GABRG2: variants seen among roughly 807,000 people sequenced by gnomAD.
GABRG2 encodes gamma-aminobutyric acid receptor subunit gamma-2.
In GABRG2, 16 loss-of-function variants were observed where a neutral mutation model predicts 56.4. The observed-to-expected ratio is 0.28, with a 90% CI of 0.19 to 0.43. The LOEUF is 0.43. GABRG2 is among the 20% of genes least tolerant of loss of function. The pLI is 1.00. For missense variants in GABRG2, 327 were observed against 582.7 expected, an observed-to-expected ratio of 0.56 and a Z score of 4.52; for synonymous variants, 208 against 205.5, an observed-to-expected ratio of 1.01 and a Z score of -0.10.
At chr5:162,070,645 AAAAT>A (rs1389962016) in intron 1 of GABRG2, among the ~76,000 whole-genome samples, 2 of 152,084 alleles carry the variant, frequency 1.3e-5, no homozygotes, top group Non-Finnish European at 2.9e-5. Flanking sequence ...AACAAAGAGA[AAAAT>A]AAAGCATCGT....
chr5:162,109,684 A>C (rs1762122101), intron 6 of GABRG2, among the ~76,000 whole-genome samples: 1 of 152,040 alleles, frequency 6.6e-6, no homozygotes, highest in South Asian at 2.1e-4. Flanking sequence ...CATCAATGAA[A>C]TACATAATGT....
chr5:162,097,603 G>C, intron 3 of GABRG2, 35 bp from the exon 4 acceptor site: 2 of 1,431,254 alleles, frequency 1.4e-6, no homozygotes, highest in African/African-American at 1.4e-5. Context: ...ATCTTACTGT[G>C]TACAAATTTT....
At chr5:162,126,674 T>A (rs1362341440) in intron 6 of GABRG2, among the ~76,000 whole-genome samples, 9 of 151,978 alleles carry the variant, frequency 5.9e-5, no homozygotes. Flanking sequence ...ACCTTCCCCT[T>A]CACCTAATTC....
At chr5:162,101,483 G>C in intron 5 of GABRG2, 166 bp downstream of exon 5, 1 of 660,406 alleles carries the variant, frequency 1.5e-6, no homozygotes. Context: ...AGCTTGCTCC[G>C]ATTAGGGTGA....
intron 6 of GABRG2, among the ~76,000 whole-genome samples, chr5:162,119,522 T>C (rs1303486858): frequency 1.3e-5 from 2 of 152,174 alleles, no homozygotes; most frequent in Non-Finnish European, 2.9e-5. Context: ...TAGAGATAAG[T>C]TTCTTGATTA....
At chr5:162,152,645 AGT>A (rs1765455887) in intron 9 of GABRG2, 2 of 300,780 alleles carry the variant, frequency 6.6e-6, no homozygotes, top group African/African-American at 4.3e-5. Flanking sequence ...ATTTGCTCAG[AGT>A]AATGGGTTTT....
intron 3 of GABRG2, among the ~76,000 whole-genome samples, chr5:162,096,321 A>C (rs1760991340): frequency 1.3e-5 from 2 of 152,070 alleles, no homozygotes; most frequent in South Asian, 4.1e-4. Flanking sequence ...ATAAATTCTA[A>C]ATATCTAAGA....
At chr5:162,090,052 TC>T (rs1350311973) in intron 1 of GABRG2, among the ~76,000 whole-genome samples, 1 of 152,178 alleles carries the variant, frequency 6.6e-6, no homozygotes, top group Non-Finnish European at 1.5e-5. Flanking sequence ...GCCACTTTTA[TC>T]CTTCTAAATA....
intron 6 of GABRG2, among the ~76,000 whole-genome samples, chr5:162,110,410 A>G (rs149785612): frequency 2.6e-5 from 4 of 152,142 alleles, no homozygotes; most frequent in Non-Finnish European, 4.4e-5. Context: ...TTCAAGTCCA[A>G]CCTTCTCTGT....
intron 1 of GABRG2, among the ~76,000 whole-genome samples, chr5:162,077,099 GTGTGTGTGTGTGA>G (rs1023636323): frequency 7.3e-5 from 11 of 150,818 alleles, no homozygotes; most frequent in African/African-American, 2.7e-4. Flanking sequence ...GTGTGTGTGT[GTGTGTGTGTGTGA>G]TGTTTCTATC....
intron 1 of GABRG2, among the ~76,000 whole-genome samples, chr5:162,078,369 C>CTATATATATATA (rs774147866): frequency 1.3e-4 from 7 of 53,888 alleles, no homozygotes; most frequent in East Asian, 1.6e-3. Context: ...GAGCATCTTA[C>CTATATATATATA]TATATATATA....
intron 6 of GABRG2, among the ~76,000 whole-genome samples, chr5:162,139,883 C>G (rs1176563208): frequency 6.6e-6 from 1 of 151,934 alleles, no homozygotes; most frequent in Non-Finnish European, 1.5e-5. Context: ...TTTGCTTTTC[C>G]TATCTGGAAT....
chr5:162,102,335 T>G (rs1761486821), intron 5 of GABRG2: 4 of 343,522 alleles, frequency 1.2e-5, no homozygotes, highest in South Asian at 9.2e-5. Flanking sequence ...TTTCTTTTAA[T>G]ACTCCAATTG....
At chr5:162,148,121 TC>T (rs1275765485) in intron 7 of GABRG2, among the ~76,000 whole-genome samples, 1 of 152,236 alleles carries the variant, frequency 6.6e-6, no homozygotes, top group Non-Finnish European at 1.5e-5. Flanking sequence ...TTGACATTGT[TC>T]CCTGTCACTA....
chr5:162,096,386 T>C (rs1760996854), intron 3 of GABRG2, among the ~76,000 whole-genome samples: 1 of 152,156 alleles, frequency 6.6e-6, no homozygotes, highest in Non-Finnish European at 1.5e-5. Context: ...GTTTTAGGAA[T>C]AACAGTCCCC....
chr5:162,076,834 T>C (rs780071910), intron 1 of GABRG2, among the ~76,000 whole-genome samples: 58 of 152,262 alleles, frequency 3.8e-4, no homozygotes, highest in Non-Finnish European at 7.1e-4. Flanking sequence ...TTGTGCCTCA[T>C]ACATCTGATC....
intron 6 of GABRG2, among the ~76,000 whole-genome samples, chr5:162,121,701 C>T (rs576966478): frequency 6.6e-6 from 1 of 152,104 alleles, no homozygotes; most frequent in Non-Finnish European, 1.5e-5. Context: ...AGCTTAGTGC[C>T]TGGCACATAG....
intron 6 of GABRG2, among the ~76,000 whole-genome samples, chr5:162,126,034 C>T (rs1312018650): frequency 6.6e-6 from 1 of 151,912 alleles, no homozygotes; most frequent in African/African-American, 2.4e-5. Flanking sequence ...AGGTCAACCT[C>T]ATACACCATC....
chr5:162,068,169 G>A (rs1431347419), intron 1 of GABRG2, 63 bp downstream of exon 1: 1 of 1,148,674 alleles, frequency 8.7e-7, no homozygotes, highest in Non-Finnish European at 1.3e-6. Context: ...TGTGGGGAGG[G>A]GTAACTCGGG....
Sources: gnomAD v4.1 joint callset for allele counts (sites outside exome capture counted in the v4.1 genomes callset) on GRCh38, gnomAD v4.1.1 for gene constraint, MANE v1.5 for transcripts, NCBI Gene and HGNC (gene_info 2026-07-23, HGNC 2026-07-21) for gene names.